Variants in FSCN2 observed in about 807,000 individuals in gnomAD.
FSCN2 encodes the protein fascin actin-bundling protein 2, retinal.
Under a neutral mutation model 37.8 loss-of-function variants are expected in FSCN2, and 46 were observed. The ratio of observed to expected loss-of-function variants is 1.22; its 90% CI spans 0.96 to 1.56. FSCN2 has a LOEUF of 1.56. Ranked by LOEUF, FSCN2 falls within the 40% of genes most tolerant of loss-of-function variation. The pLI is 0.00. For missense variants in FSCN2, 844 were observed against 730.4 expected (o/e 1.16, Z -1.79); for synonymous variants, 351 against 309.4 (o/e 1.13, Z -1.41).
chr17:81,519,954 G>A, the FSCN2 span, among the ~76,000 whole-genome samples: 1 of 152,236 alleles, frequency 6.6e-6, no homozygotes, highest in Non-Finnish European at 1.5e-5. Flanking sequence ...GGAAGGGGCT[G>A]AGAGGCTGGA....
chr17:81,515,263 G>C, the FSCN2 span, among the ~76,000 whole-genome samples: 1 of 152,138 alleles, frequency 6.6e-6, no homozygotes, highest in South Asian at 2.1e-4. Flanking sequence ...GAAGCCAGTG[G>C]CGCAGGGCAG....
In FSCN2 at chr17:81,535,096, A is replaced by T; in HGVS notation, c.871A>T (p.Thr291Ser). The part of the protein sequence containing the change: ...ANQDDELDHE[T>S]FLMQIDQETK... Reference sequence around the variant, plus strand: ...TCAGGATGATGAACTAGACCACGAGACCTTCCTGATGCAAATTGACCAGGA... The same window carrying T: ...TCAGGATGATGAACTAGACCACGAGTCCTTCCTGATGCAAATTGACCAGGA... The change falls in exon 2 of 5, where the codon ACC becomes TCC. Residue 291 changes from threonine to serine, a missense_variant. By Grantham distance (58) the Thr-to-Ser change is moderately conservative (BLOSUM62 1). Transcript: ENST00000417245. The T allele has an allele frequency of 6.5e-7, 1 of 1,533,684 alleles. No homozygotes were observed. Among genetic ancestry groups the T allele is most frequent in the Non-Finnish European group, 8.7e-7 (1 of 1,145,150 alleles).
chr17:81,519,905 A>C, the FSCN2 span, among the ~76,000 whole-genome samples: 1 of 152,214 alleles, frequency 6.6e-6, no homozygotes, highest in African/African-American at 2.4e-5. Flanking sequence ...CTCCCCTAGC[A>C]GATGGCCCCT....
chr17:81,531,421 T>C (rs2032582093), intron 1 of FSCN2, among the ~76,000 whole-genome samples: 1 of 117,152 alleles, frequency 8.5e-6, no homozygotes, highest in African/African-American at 3.3e-5. Context: ...GTGGTGGTGA[T>C]AGTGATGATG....
the FSCN2 span, chr17:81,519,178 C>A: frequency 6.6e-6 from 1 of 152,390 alleles, no homozygotes; most frequent in Admixed American, 6.5e-5. Flanking sequence ...GGCGGTCCAG[C>A]CCGGCTGCAC....
chr17:81,529,417 G>A, intron 1 of FSCN2, 60 bp downstream of exon 1: 1 of 1,275,992 alleles, frequency 7.8e-7, no homozygotes, highest in Non-Finnish European at 1.1e-6. Flanking sequence ...GCTTCAGGGA[G>A]GAGGCCGTGG....
intron 4 of FSCN2, 31 bp from the exon 5 acceptor site, chr17:81,536,844 G>T (rs1489333538): frequency 1.3e-6 from 2 of 1,549,062 alleles, no homozygotes; most frequent in South Asian, 1.2e-5. Flanking sequence ...GGGCAGGTGG[G>T]CACCCCCGCC....
Position 81,536,194 on chromosome 17 carries a change from A to C in FSCN2, c.1032A>C (p.Ala344=). 1.9e-6 allele frequency: 3 copies of C among 1,600,594 alleles called. No individual in the cohort carries two copies. The highest frequency in any genetic ancestry group is 2.6e-6 in the Non-Finnish European group (3 of 1,173,778). Residue 344 remains alanine, a synonymous_variant, in exon 3 of 5, where the codon GCA becomes GCC. Transcript: ENST00000417245. ...FEMEWRGRRV[A]LKASNGRYVC... is the part of the protein sequence containing the mutation. ...TGGAGTGGCGTGGCCGGCGGGTAGC[A>C]CTCAAAGCCAGCAACGGGCGCTACG...
chr17:81,533,441 G>A (rs1012419978), intron 1 of FSCN2, among the ~76,000 whole-genome samples: 3 of 152,144 alleles, frequency 2.0e-5, no homozygotes, highest in East Asian at 1.9e-4. Flanking sequence ...GGAGTCCTCC[G>A]TTCTTACCTC....
intron 1 of FSCN2, among the ~76,000 whole-genome samples, chr17:81,530,931 AG>A (rs1438031730): frequency 2.0e-5 from 3 of 152,132 alleles, no homozygotes; most frequent in Non-Finnish European, 4.4e-5. Context: ...GGCAATCCTT[AG>A]GTGGTTAAAG....
At chr17:81,522,552 T>G in the FSCN2 span, among the ~76,000 whole-genome samples, 1 of 152,248 alleles carries the variant, frequency 6.6e-6, no homozygotes, top group Non-Finnish European at 1.5e-5. Flanking sequence ...CCCAGCACGG[T>G]TCCTGGCACA....
chr17:81,519,971 C>T, the FSCN2 span, among the ~76,000 whole-genome samples: 1 of 152,314 alleles, frequency 6.6e-6, no homozygotes, highest in East Asian at 1.9e-4. Flanking sequence ...TGGATCGAGG[C>T]AACCCAGCAG....
chr17:81,517,070 AG>A, the FSCN2 span, among the ~76,000 whole-genome samples: 1 of 152,080 alleles, frequency 6.6e-6, no homozygotes, highest in African/African-American at 2.4e-5. Context: ...AAGGTTCTGG[AG>A]GGCGGTGTGG....
At position 81,535,303 on chromosome 17, in the gene FSCN2, TCCCCACCACCCCCACCCCCACCAG is replaced by T. The variant is rs1313856301; in HGVS notation, c.983+101_983+124del. 5 of 603,330 alleles carry T rather than the reference TCCCCACCACCCCCACCCCCACCAG, an allele frequency of 8.3e-6. No homozygotes were observed. The African/African-American group carries it at 1.5e-4, about 18-fold the overall frequency. 37.4% of individuals were successfully genotyped at this position (603,330 alleles called of 1,614,324 possible). On this transcript the variant is annotated intron_variant, in intron 2 of 4. Coordinates refer to ENST00000417245, the MANE Select transcript of FSCN2 (RefSeq NM_012418.4). Reference sequence around the variant, plus strand: ...CCCACCATCCGCATCCCCATCTCCATCCCCACCACCCCCACCCCCACCAGCCCCATCCCCATGACCACCATCCCC... The same window carrying T: ...CCCACCATCCGCATCCCCATCTCCATCCCCATCCCCATGACCACCATCCCC...
chr17:81,526,218 G>A (rs1164201786), upstream of FSCN2, among the ~76,000 whole-genome samples: 1 of 152,256 alleles, frequency 6.6e-6, no homozygotes, highest in African/African-American at 2.4e-5. Flanking sequence ...CCTCAGCCTG[G>A]CTGGGCGTTG....
chr17:81,517,993 G>A, the FSCN2 span, among the ~76,000 whole-genome samples: 2 of 152,094 alleles, frequency 1.3e-5, no homozygotes, highest in African/African-American at 4.8e-5. Flanking sequence ...TGCGCGTCCT[G>A]CAACCCTTCC....
In FSCN2 at chr17:81,536,762, T is replaced by G; in HGVS notation, c.1246T>G (p.Phe416Val). ...CGTCTACGACGTCTTCCACCTGAGCTTCAGCGACGGCGCCTACCGGATCCG... is the reference window on the plus strand; with the variant it reads ...CGTCTACGACGTCTTCCACCTGAGCGTCAGCGACGGCGCCTACCGGATCCG... ...RSVYDVFHLSFSDGAYRIRGR... is the reference protein window; with the variant it reads ...RSVYDVFHLSVSDGAYRIRGR... Residue 416 changes from phenylalanine (F) to valine (V), a missense_variant, in exon 4 of 5, where the codon TTC (phenylalanine) becomes GTC (valine). By Grantham distance (50) the Phe-to-Val change is conservative. Transcript: ENST00000417245. The G allele has an allele frequency of 6.2e-7, 1 of 1,607,152 alleles. No individual in the cohort carries two copies. The highest frequency in any genetic ancestry group is 8.5e-7 in the Non-Finnish European group (1 of 1,176,976).
rs1568075444 is a variant in FSCN2 at position 81,529,346 on chromosome 17, C to T, written c.815C>T (p.Ser272Phe). The part of the protein sequence containing the change: ...VLVAANHRYV[S>F]VRQGVNVSAN... The stretch of plus-strand genomic sequence containing the variant: ...GTGGCTGCCAACCACCGCTACGTCT[C>T]TGTGCGGCAAGGTAGGGAGGGCACA... Residue 272 changes from serine (S) to phenylalanine (F), a missense_variant, in exon 1 of 5, where the codon TCT (serine) becomes TTT (phenylalanine). Coordinates refer to ENST00000417245, the MANE Select transcript of FSCN2 (RefSeq NM_012418.4). 6 of 1,545,166 alleles carry T rather than the reference C, an allele frequency of 3.9e-6. No homozygotes were observed. The highest frequency in any genetic ancestry group is 5.2e-6 in the Non-Finnish European group (6 of 1,143,872).
upstream of FSCN2, among the ~76,000 whole-genome samples, chr17:81,524,173 G>A (rs1419792421): frequency 6.6e-6 from 1 of 152,222 alleles, no homozygotes; most frequent in Non-Finnish European, 1.5e-5. Context: ...CGGTGGGGGC[G>A]CATGGCTTCC....
Sources: allele counts gnomAD v4.1 joint callset (sites outside exome capture counted in the v4.1 genomes callset), GRCh38; gene constraint gnomAD v4.1.1; transcripts MANE v1.5; gene names NCBI Gene and HGNC (gene_info 2026-07-23, HGNC 2026-07-21).